Variants in AGR3 observed in about 807,000 individuals in gnomAD.
The protein encoded by AGR3 is anterior gradient protein 3.
In AGR3, 37 loss-of-function variants were observed where a neutral mutation model predicts 24.5. The observed-to-expected ratio is 1.51, with a 90% CI of 1.16 to 1.99. The LOEUF is 1.99. Ranked by LOEUF, AGR3 falls within the 30% of genes most tolerant of loss-of-function variation. The probability of loss-of-function intolerance (pLI) is 0.00; values close to 1 mark genes in which losing one functional copy is unlikely to be tolerated. For missense variants in AGR3, 228 were observed against 191.1 expected, an observed-to-expected ratio of 1.19 and a Z score of -1.14; for synonymous variants, 75 against 61.6, an observed-to-expected ratio of 1.22 and a Z score of -1.02.
chr7:16,863,686 CT>C (rs1235459169), intron 3 of AGR3, among the ~76,000 whole-genome samples: 12 of 151,906 alleles, frequency 7.9e-5, no homozygotes, highest in Non-Finnish European at 1.8e-4. Context: ...CTACATTTTG[CT>C]TTTAAAATAT....
intron 3 of AGR3, chr7:16,864,623 G>A: frequency 1.3e-6 from 2 of 1,547,436 alleles, no homozygotes; most frequent in African/African-American, 1.4e-5. Context: ...GCAAGGTATG[G>A]CAGTAGCTGA....
At chr7:16,858,176 T>G (rs1583832398), downstream of AGR3, among the ~76,000 whole-genome samples, 1 of 152,124 alleles carries the variant, frequency 6.6e-6, no homozygotes, top group Non-Finnish European at 1.5e-5. Flanking sequence ...TTAATAGAGA[T>G]GGGGTTTCAC....
chr7:16,880,476 T>C (rs1583850085), intron 1 of AGR3, among the ~76,000 whole-genome samples: 2 of 40,036 alleles, frequency 5.0e-5, no homozygotes, highest in Admixed American at 2.3e-4. Context: ...TCCTCTCCCC[T>C]CCTTTCCCCT....
At chr7:16,861,702 A>C (rs1781646692) in intron 5 of AGR3, among the ~76,000 whole-genome samples, 1 of 151,616 alleles carries the variant, frequency 6.6e-6, no homozygotes, top group South Asian at 2.1e-4. Flanking sequence ...GGAGTTTGAG[A>C]CCAGCCTAAC....
At chr7:16,859,886 C>G (rs1456483860) in intron 7 of AGR3, among the ~76,000 whole-genome samples, 1 of 151,320 alleles carries the variant, frequency 6.6e-6, no homozygotes, top group Non-Finnish European at 1.5e-5. Context: ...TTTTTTAATG[C>G]ATCACTTTGT....
intron 3 of AGR3, among the ~76,000 whole-genome samples, chr7:16,867,445 A>T (rs560863299): frequency 6.6e-5 from 10 of 152,174 alleles, no homozygotes; most frequent in African/African-American, 2.2e-4. Flanking sequence ...TGATATATGG[A>T]TATGTTGTAC....
chr7:16,864,405 G>T, intron 3 of AGR3: 1 of 1,283,144 alleles, frequency 7.8e-7, no homozygotes, highest in Non-Finnish European at 1.1e-6. Context: ...CCAGCTCTGT[G>T]TCCTGTGCGG....
intron 3 of AGR3, chr7:16,864,132 A>G (rs1353145971): frequency 7.9e-6 from 4 of 503,772 alleles, no homozygotes; most frequent in Non-Finnish European, 1.3e-5. Context: ...TTTCGTGATG[A>G]AAGACTACAG....
chr7:16,856,127 C>A (rs1562542460), downstream of AGR3, among the ~76,000 whole-genome samples: 3 of 152,252 alleles, frequency 2.0e-5, no homozygotes, highest in Admixed American at 6.5e-5. Context: ...TTATTTCCCA[C>A]CAGTGATATA....
At chr7:16,856,702 T>C (rs747878566), downstream of AGR3, among the ~76,000 whole-genome samples, 4 of 152,132 alleles carry the variant, frequency 2.6e-5, no homozygotes, top group Non-Finnish European at 5.9e-5. Context: ...TTTCAGGTAG[T>C]TGATGTTGGT....
At chr7:16,881,828 C>A (rs2115322567) in intron 1 of AGR3, 116 bp downstream of exon 1, 1 of 393,002 alleles carries the variant, frequency 2.5e-6, no homozygotes, top group Non-Finnish European at 5.2e-6. Flanking sequence ...AATAAAAATT[C>A]ATTTCACTTT....
intron 3 of AGR3, chr7:16,865,326 C>T: frequency 1.7e-6 from 2 of 1,184,740 alleles, no homozygotes; most frequent in Non-Finnish European, 1.2e-6. Flanking sequence ...ACCAGAACAT[C>T]CTTGACAGAG....
chr7:16,861,237 T>G (rs1389745636), intron 6 of AGR3, 147 bp downstream of exon 6: 1 of 571,444 alleles, frequency 1.7e-6, no homozygotes, highest in African/African-American at 1.9e-5. Flanking sequence ...GGATTTTGAT[T>G]GTAGAACTAA....
downstream of AGR3, among the ~76,000 whole-genome samples, chr7:16,854,957 T>G (rs974885251): frequency 6.6e-6 from 1 of 152,328 alleles, no homozygotes; most frequent in Middle Eastern, 3.4e-3. Context: ...AGGGGCCCAT[T>G]CTACTCCAGT....
In AGR3 at chr7:16,865,127, C is replaced by CA. The variant is rs1257852897; in HGVS notation, c.174-2466dup. ...TTTTCCCCAAAGCTCGGAAGAGAAA[C>CA]AGAGAAACGTCTTTGCCACCAGTAG... On this transcript the variant is annotated intron_variant, in intron 3 of 7. Coordinates refer to ENST00000310398, the MANE Select transcript of AGR3 (RefSeq NM_176813.5). 5.4e-6 allele frequency: 4 copies of CA among 737,794 alleles called. No homozygotes were observed. The African/African-American group carries it at 7.0e-5, about 13-fold the overall frequency. 45.7% of individuals were successfully genotyped at this position (737,794 alleles called of 1,614,324 possible).
intron 1 of AGR3, among the ~76,000 whole-genome samples, chr7:16,880,685 T>G (rs902065865): frequency 6.6e-6 from 1 of 152,020 alleles, no homozygotes; most frequent in African/African-American, 2.4e-5. Context: ...TTCTCATAAC[T>G]TATTAAACCA....
intron 3 of AGR3, chr7:16,865,936 C>A: frequency 1.4e-6 from 1 of 700,106 alleles, no homozygotes. Context: ...GTTTTGGTTG[C>A]CTTTCTAAGA....
chr7:16,866,350 G>A, intron 3 of AGR3: 2 of 426,462 alleles, frequency 4.7e-6, no homozygotes, highest in Middle Eastern at 5.7e-4. Context: ...AGGACCTGTA[G>A]TACATTAAAC....
chr7:16,871,499 A>G (rs1035021203), intron 3 of AGR3, among the ~76,000 whole-genome samples: 7 of 152,132 alleles, frequency 4.6e-5, no homozygotes, highest in African/African-American at 1.7e-4. Flanking sequence ...TCTATACAAC[A>G]ATAACAAACT....
Sources: allele counts gnomAD v4.1 joint callset (sites outside exome capture counted in the v4.1 genomes callset), GRCh38; gene constraint gnomAD v4.1.1; transcripts MANE v1.5; gene names NCBI Gene and HGNC (gene_info 2026-07-23, HGNC 2026-07-21).